GRIN2B: variants seen among roughly 807,000 people sequenced by gnomAD.
GRIN2B encodes glutamate ionotropic receptor NMDA type subunit 2B.
GRIN2B carries 5 observed loss-of-function variants against 114.5 expected under a neutral mutation model. That is an observed-to-expected ratio of 0.04 (90% CI 0.02 to 0.09). The LOEUF (loss-of-function observed/expected upper bound fraction) is 0.09, where lower values mean the gene tolerates loss of function less well. Among genes scored for constraint, GRIN2B ranks in the 10% least tolerant of loss-of-function variants. GRIN2B has a pLI of 1.00. For synonymous variants in GRIN2B, 787 were observed against 745.1 expected (o/e 1.06, Z -0.92); for missense variants, 1,108 against 1,943.5 (o/e 0.57, Z 8.08).
chr12:13,573,733 C>T (rs961347590), intron 10 of GRIN2B, among the ~76,000 whole-genome samples: 31 of 152,154 alleles, frequency 2.0e-4, no homozygotes, highest in Admixed American at 5.9e-4. Context: ...ACTCTGAAGC[C>T]TTGGGATTGC....
intron 12 of GRIN2B, 97 bp downstream of exon 12, chr12:13,569,733 A>G: frequency 1.2e-6 from 1 of 805,568 alleles, no homozygotes; most frequent in Non-Finnish European, 2.0e-6. Context: ...TTTTCCGGAA[A>G]TGCACAGGTT....
At chr12:13,923,529 T>C (rs1248011927) in intron 2 of GRIN2B, among the ~76,000 whole-genome samples, 1 of 152,186 alleles carries the variant, frequency 6.6e-6, no homozygotes, top group African/African-American at 2.4e-5. Flanking sequence ...CTATGGTACA[T>C]TGTCTGAGTT....
chr12:13,925,149 G>A (rs1320203767), intron 2 of GRIN2B, among the ~76,000 whole-genome samples: 2 of 152,180 alleles, frequency 1.3e-5, no homozygotes. Flanking sequence ...CGCCAGTGTT[G>A]CCTTTGACTA....
At chr12:13,790,567 G>T (rs570739411) in intron 3 of GRIN2B, among the ~76,000 whole-genome samples, 1 of 152,268 alleles carries the variant, frequency 6.6e-6, no homozygotes, top group African/African-American at 2.4e-5. Context: ...GGTCTGCCGA[G>T]GTCCCTCATT....
At chr12:13,605,675 C>T (rs571824755) in intron 10 of GRIN2B, among the ~76,000 whole-genome samples, 58 of 151,874 alleles carry the variant, frequency 3.8e-4, no homozygotes, top group African/African-American at 1.2e-3. Context: ...ATATCCTGTC[C>T]GCTTTAAGAA....
At chr12:13,813,871 C>T (rs967605599) in intron 3 of GRIN2B, among the ~76,000 whole-genome samples, 2 of 152,174 alleles carry the variant, frequency 1.3e-5, no homozygotes, top group Admixed American at 6.5e-5. Context: ...CCTTGCTTTT[C>T]ATTAAGTTGA....
chr12:13,597,842 G>C (rs1046537267), intron 10 of GRIN2B, among the ~76,000 whole-genome samples: 3 of 152,244 alleles, frequency 2.0e-5, no homozygotes, highest in African/African-American at 7.2e-5. Flanking sequence ...TATGTGAAGA[G>C]TTTAATAGTA....
chr12:13,647,004 A>G (rs917340681), intron 5 of GRIN2B, among the ~76,000 whole-genome samples: 8 of 152,114 alleles, frequency 5.3e-5, no homozygotes, highest in Admixed American at 3.9e-4. Flanking sequence ...ACCTCAGCCA[A>G]ATAGCCACAA....
At chr12:13,805,438 G>C (rs1009816273) in intron 3 of GRIN2B, among the ~76,000 whole-genome samples, 2 of 152,108 alleles carry the variant, frequency 1.3e-5, no homozygotes, top group Non-Finnish European at 2.9e-5. Flanking sequence ...TCTTTTCCTT[G>C]AAAGTGGTGT....
intron 4 of GRIN2B, among the ~76,000 whole-genome samples, chr12:13,710,626 G>A (rs1046340371): frequency 2.6e-4 from 39 of 152,032 alleles, no homozygotes; most frequent in East Asian, 5.8e-4. Flanking sequence ...ACTCCCATTT[G>A]CAATTGCTTC....
intron 3 of GRIN2B, among the ~76,000 whole-genome samples, chr12:13,811,107 C>G (rs1197813445): frequency 6.6e-6 from 1 of 152,226 alleles, no homozygotes; most frequent in African/African-American, 2.4e-5. Context: ...AGAGGCCTAA[C>G]TTCAGTGAAA....
intron 13 of GRIN2B, among the ~76,000 whole-genome samples, chr12:13,565,069 G>A (rs1298628957): frequency 6.6e-6 from 1 of 152,212 alleles, no homozygotes; most frequent in Admixed American, 6.5e-5. Flanking sequence ...GGACACTGAG[G>A]TTGCTCTGCT....
intron 3 of GRIN2B, among the ~76,000 whole-genome samples, chr12:13,864,299 C>T (rs1865790834): frequency 6.6e-6 from 1 of 152,142 alleles, no homozygotes; most frequent in Non-Finnish European, 1.5e-5. Context: ...ATGCAAGGTT[C>T]CTTTAGTCTC....
intron 2 of GRIN2B, among the ~76,000 whole-genome samples, chr12:13,957,846 G>C (rs1344075889): frequency 2.0e-5 from 3 of 152,198 alleles, no homozygotes; most frequent in Admixed American, 6.5e-5. Flanking sequence ...GATGAAAAGG[G>C]AAGGGAGATG....
At chr12:13,940,266 T>C (rs531017068) in intron 2 of GRIN2B, among the ~76,000 whole-genome samples, 1 of 152,300 alleles carries the variant, frequency 6.6e-6, no homozygotes, top group African/African-American at 2.4e-5. Context: ...TTACAGTTAC[T>C]TAGATCCATT....
At position 13,615,080 on chromosome 12, in the gene GRIN2B, T is replaced by A. The variant is rs766662582; in HGVS notation, c.1654+34A>T. On this transcript the variant is annotated intron_variant, in intron 8 of 13. Transcript: ENST00000609686. The surrounding 1 kb of genome is among the most constrained non-coding windows in gnomAD (Gnocchi z 5.8). Reference sequence around the variant, plus strand: ...CTTATTTCACTTCCCCATCCATACGTCCATTTCCTTCCACCAGCAAACCCA... The same window carrying A: ...CTTATTTCACTTCCCCATCCATACGACCATTTCCTTCCACCAGCAAACCCA... 3 of 1,582,212 alleles carry A rather than the reference T, an allele frequency of 1.9e-6. No homozygotes were observed. The South Asian group carries it at 3.3e-5, about 17-fold the overall frequency.
chr12:13,763,531 G>A (rs183339072), intron 3 of GRIN2B, among the ~76,000 whole-genome samples: 119 of 152,292 alleles, frequency 7.8e-4, no homozygotes, highest in African/African-American at 2.7e-3. Context: ...TGTACCTACA[G>A]ATGCCAGCTG....
chr12:13,762,124 C>T (rs1374630573), intron 3 of GRIN2B, among the ~76,000 whole-genome samples: 1 of 152,156 alleles, frequency 6.6e-6, no homozygotes, highest in Non-Finnish European at 1.5e-5. Context: ...CTGCCTCAGC[C>T]TCCTGAGTAG....
chr12:13,805,238 T>A (rs994537219), intron 3 of GRIN2B, among the ~76,000 whole-genome samples: 2 of 152,172 alleles, frequency 1.3e-5, no homozygotes, highest in East Asian at 1.9e-4. Flanking sequence ...TCACTGAGGT[T>A]AAAGACAAAG....
Sources: allele counts gnomAD v4.1 joint callset (sites outside exome capture counted in the v4.1 genomes callset), GRCh38; gene constraint gnomAD v4.1.1; non-coding constraint Gnocchi (gnomAD v3.1); transcripts MANE v1.5; gene names NCBI Gene and HGNC (gene_info 2026-07-23, HGNC 2026-07-21).